The following KRT24 variants were observed in gnomAD, a reference collection of about 807,000 sequenced individuals.
KRT24 encodes keratin 24.
KRT24 carries 44 observed loss-of-function variants against 51.7 expected under a neutral mutation model. The observed-to-expected ratio is 0.85, with a 90% CI of 0.67 to 1.09. The LOEUF (loss-of-function observed/expected upper bound fraction) is 1.09, where lower values mean the gene tolerates loss of function less well. KRT24 is among the 50% of genes least tolerant of loss of function. The pLI is 0.00. For missense variants in KRT24, 633 were observed against 647.0 expected (o/e 0.98, Z 0.24); for synonymous variants, 241 against 249.5 (o/e 0.97, Z 0.32).
At position 40,703,683 on chromosome 17, in the gene KRT24, G is replaced by C. The variant is rs1446720777; in HGVS notation, c.11C>G (p.Ser4Trp). The change falls in exon 1 of 8, where the codon TCG (serine) becomes TGG (tryptophan). Residue 4 changes from serine (S) to tryptophan (W), a missense_variant. Coordinates refer to ENST00000264651, the MANE Select transcript of KRT24 (RefSeq NM_019016.3). ...AGCCCTGGAGGAGGAGGCGCGAGAC[G>C]AGCAAGACATGGTGCTCCTGCAAAC... is the stretch of plus-strand genomic sequence containing the variant. MSC[S>W]SRASSSRAGG... The C allele has an allele frequency of 4.5e-6, 7 of 1,566,022 alleles. No individual in the cohort carries two copies. Among genetic ancestry groups the C allele is most frequent in the African/African-American group, 1.4e-5 (1 of 73,532 alleles).
chr17:40,703,677 C>T lies in KRT24; in HGVS notation c.17G>A (p.Arg6His), dbSNP rs201642444. ...GCCTCCAGCCCTGGAGGAGGAGGCGCGAGACGAGCAAGACATGGTGCTCCT... is the reference window on the plus strand; with the variant it reads ...GCCTCCAGCCCTGGAGGAGGAGGCGTGAGACGAGCAAGACATGGTGCTCCT... Reference protein sequence around the residue: MSCSSRASSSRAGGSS... With the variant: MSCSSHASSSRAGGSS... Residue 6 changes from arginine (R) to histidine (H), a missense_variant, in exon 1 of 8, where the codon CGC (arginine) becomes CAC (histidine). Arg to His is a conservative substitution (Grantham distance 29). Transcript: ENST00000264651. 24 of 1,572,356 alleles carry T rather than the reference C, an allele frequency of 1.5e-5. No homozygotes were observed. Among genetic ancestry groups the T allele is most frequent in the South Asian group, 3.6e-5 (3 of 83,906 alleles).
Position 40,703,112 on chromosome 17 carries a change from T to C in KRT24, c.582A>G (p.Lys194=). 6.2e-7 allele frequency: 1 copy of C among 1,610,918 alleles called. No individual in the cohort carries two copies. Among genetic ancestry groups the C allele is most frequent in the Non-Finnish European group, 8.5e-7 (1 of 1,178,910 alleles). ...GDGGSGRDYS[K]YYSIIEDLRN... ...TGAGATCTTCAATTATTGAATAGTA[T>C]TTGCTATAATCTCTTCCCGATCCAC... Residue 194 remains lysine, a synonymous_variant, in exon 1 of 8, where the codon AAA becomes AAG. Transcript: ENST00000264651.
intron 2 of KRT24, 74 bp downstream of exon 2, chr17:40,701,777 A>ATATATT (rs1567863161): frequency 3.7e-4 from 13 of 35,302 alleles, no homozygotes; most frequent in Admixed American, 1.4e-3. Context: ...ATATATATAT[A>ATATATT]TATTTATTTA....
At chr17:40,700,540 G>T (rs1465844352) in intron 3 of KRT24, among the ~76,000 whole-genome samples, 157 bp from the exon 4 acceptor site, 1 of 151,078 alleles carries the variant, frequency 6.6e-6, no homozygotes, top group Admixed American at 6.6e-5. Context: ...TTGTTTCCTG[G>T]TCATAGTATG....
chr17:40,700,846 C>T (rs540162617), intron 3 of KRT24, among the ~76,000 whole-genome samples: 2 of 152,278 alleles, frequency 1.3e-5, no homozygotes, highest in East Asian at 3.9e-4. Flanking sequence ...CATGATCTGC[C>T]TGCCTTGGCC....
rs538653086 is a variant in KRT24, at chr17:40,703,740, T to C, written c.-47A>G. The C allele has an allele frequency of 2.2e-5, 33 of 1,505,482 alleles. No individual in the cohort carries two copies. The South Asian group carries it at 3.9e-4, about 18-fold the overall frequency. 93.3% of individuals were successfully genotyped at this position (1,505,482 alleles called of 1,614,324 possible). On this transcript the variant is annotated 5_prime_UTR_variant, in exon 1 of 8. Transcript: ENST00000264651. ...TTGTCCAGGCGAATAGGAGAGGTGA[T>C]GACGAAGAGTGTATTCAAGGCTGCC... is the stretch of plus-strand genomic sequence containing the variant.
rs779246628 is a variant in KRT24 at position 40,700,335 on chromosome 17, T to C, written c.904A>G (p.Met302Val). Reference protein sequence around the residue: ...GSSGGEVTVEMNAAPGTDLTK... With the variant: ...GSSGGEVTVEVNAAPGTDLTK... Reference sequence around the variant, plus strand: ...AGGTCGGTCCCTGGCGCAGCATTCATTTCTACGGTCACCTCCCCTCCAGAG... The same window carrying C: ...AGGTCGGTCCCTGGCGCAGCATTCACTTCTACGGTCACCTCCCCTCCAGAG... The change falls in exon 4 of 8, where the codon ATG (methionine) becomes GTG (valine). Residue 302 changes from methionine (M) to valine (V), a missense_variant. Transcript: ENST00000264651. 24 of 1,614,024 alleles carry C rather than the reference T, an allele frequency of 1.5e-5. No individual in the cohort carries two copies. Among genetic ancestry groups the C allele is most frequent in the Non-Finnish European group, 2.0e-5 (24 of 1,180,014 alleles).
At chr17:40,701,758 TA>T (rs1567863066) in intron 2 of KRT24, 92 bp downstream of exon 2, 964 of 41,804 alleles carry the variant, frequency 0.023, 38 homozygotes, top group African/African-American at 0.03. Context: ...TATATATATA[TA>T]TATATATATA....
Position 40,700,395 on chromosome 17 carries a change from G to A in KRT24, c.856-12C>T, listed in dbSNP as rs1567862365. Reference sequence around the variant, plus strand: ...ATATTCTTCATTTCCTAGCATGAAGGAAAAAAGACTATCGTGATGCAAACA... The same window carrying A: ...ATATTCTTCATTTCCTAGCATGAAGAAAAAAAGACTATCGTGATGCAAACA... On this transcript the variant is annotated splice_polypyrimidine_tract_variant and intron_variant, in intron 3 of 7. Coordinates refer to ENST00000264651, the MANE Select transcript of KRT24 (RefSeq NM_019016.3). 1.9e-6 allele frequency: 3 copies of A among 1,590,772 alleles called. No homozygotes were observed. The highest frequency in any genetic ancestry group is 2.7e-5 in the African/African-American group (2 of 73,300).
intron 2 of KRT24, 78 bp downstream of exon 2, chr17:40,701,750 TATATATATATATATATATATATA>T (rs2037681942): frequency 9.4e-5 from 4 of 42,650 alleles, no homozygotes; most frequent in African/African-American, 4.3e-4. Context: ...TATATATATA[TATATATATATATATATATATATA>T]TATATATTTA....
intron 6 of KRT24, 44 bp from the exon 7 acceptor site, chr17:40,698,694 G>C (rs748971280): frequency 5.2e-6 from 5 of 966,200 alleles, no homozygotes; most frequent in Non-Finnish European, 8.3e-6. Flanking sequence ...GTTTGCAAAG[G>C]CAGGAGAAAG....
At position 40,703,401 on chromosome 17, in the gene KRT24, C is replaced by A. The variant is rs776375538; in HGVS notation, c.293G>T (p.Gly98Val). ...ACAGAATCCAGAACCCCTGCCAAAT[C>A]CAGAGACCCCGCCAAAGCTAGAACC... Reference protein sequence around the residue: ...GGGSSFGGVSGFGRGSGFCGS... With the variant: ...GGGSSFGGVSVFGRGSGFCGS... Residue 98 changes from glycine (G) to valine (V), a missense_variant, in exon 1 of 8, where the codon GGA becomes GTA. Coordinates refer to ENST00000264651, the MANE Select transcript of KRT24 (RefSeq NM_019016.3). 5 of 1,610,984 alleles carry A rather than the reference C, an allele frequency of 3.1e-6. No individual in the cohort carries two copies. In the African/African-American group the frequency reaches 4.0e-5, roughly 13 times the overall value.
At chr17:40,701,768 TA>T (rs1567863109) in intron 2 of KRT24, 82 bp downstream of exon 2, 1,243 of 47,274 alleles carry the variant, frequency 0.026, 98 homozygotes, top group Admixed American at 0.058. Flanking sequence ...TATATATATA[TA>T]TATATATATA....
chr17:40,700,427 T>A (rs60488918), intron 3 of KRT24, 44 bp from the exon 4 acceptor site: 4 of 1,492,090 alleles, frequency 2.7e-6, no homozygotes, highest in Non-Finnish European at 3.7e-6. Context: ...AACAGAAAAG[T>A]GATGACTTCC....
At chr17:40,699,866 G>T in intron 5 of KRT24, 132 bp downstream of exon 5, 2 of 1,247,314 alleles carry the variant, frequency 1.6e-6, no homozygotes, top group Non-Finnish European at 2.3e-6. Context: ...AACTTTTAAT[G>T]CTTTCTATAA....
Position 40,698,142 on chromosome 17 carries a change from A to AT in KRT24, c.*94dup. On this transcript the variant is annotated 3_prime_UTR_variant, in exon 8 of 8. Coordinates refer to ENST00000264651, the MANE Select transcript of KRT24 (RefSeq NM_019016.3). Reference sequence around the variant, plus strand: ...CTGGACTGAAGCTTTTCCTGAAATTATCCAGAAAGATGCCTAGATTGATGC... The same window carrying AT: ...CTGGACTGAAGCTTTTCCTGAAATTATTCCAGAAAGATGCCTAGATTGATGC... 2.6e-6 allele frequency: 2 copies of AT among 781,062 alleles called. No individual in the cohort carries two copies. Among genetic ancestry groups the AT allele is most frequent in the Non-Finnish European group, 4.3e-6 (2 of 467,898 alleles). 48.4% of individuals were successfully genotyped at this position (781,062 alleles called of 1,614,324 possible). A position where few individuals can be genotyped will look rare whatever the true frequency, so the allele number is the denominator to read the frequency against.
At position 40,699,471 on chromosome 17, in the gene KRT24, T is replaced by A. The variant is rs1398748824; in HGVS notation, c.1334A>T (p.Tyr445Phe). The A allele has an allele frequency of 1.2e-6, 2 of 1,613,962 alleles. No individual in the cohort carries two copies. Among genetic ancestry groups the A allele is most frequent in the African/African-American group, 2.7e-5 (2 of 74,874 alleles). The change falls in exon 6 of 8, where the codon TAC becomes TTC. Residue 445 changes from tyrosine (Y) to phenylalanine (F), a missense_variant. Coordinates refer to ENST00000264651, the MANE Select transcript of KRT24 (RefSeq NM_019016.3). ...TCCCTCTCCATCGAGCAGGCGGCGGTAGGTCTCGATCTCCACCTCCAGGCG... is the reference window on the plus strand; with the variant it reads ...TCCCTCTCCATCGAGCAGGCGGCGGAAGGTCTCGATCTCCACCTCCAGGCG... ...KTRLEVEIET[Y>F]RRLLDGEGGG...
rs1372924241 is a variant in KRT24, at chr17:40,699,604, A to C, written c.1201T>G (p.Ser401Ala). Residue 401 changes from serine to alanine, a missense_variant, in exon 6 of 8, where the codon TCA (serine) becomes GCA (alanine). Coordinates refer to ENST00000264651, the MANE Select transcript of KRT24 (RefSeq NM_019016.3). The stretch of plus-strand genomic sequence containing the variant: ...GCACTGATCTGCGTTTGAATTTCTG[A>C]CAGCTGAGCCACGTAGCCAGCTTCT... ...DTEAGYVAQL[S>A]EIQTQISALE... is the part of the protein sequence containing the mutation. The C allele has an allele frequency of 3.7e-6, 6 of 1,614,186 alleles. No individual in the cohort carries two copies. The Admixed American group carries it at 1.0e-4, about 27-fold the overall frequency.
Position 40,703,157 on chromosome 17 carries a change from A to G in KRT24, c.537T>C (p.Tyr179=), listed in dbSNP as rs1284723807. Residue 179 remains tyrosine (Y), a synonymous_variant, in exon 1 of 8, where the codon TAT becomes TAC. Coordinates refer to ENST00000264651, the MANE Select transcript of KRT24 (RefSeq NM_019016.3). ...ATCCACCGTCTCCAGACCCAGGCCC[A>G]TATTTGTCATACCACTCCTTGATTT... ...ENKIKEWYDK[Y]GPGSGDGGSG... 2.5e-6 allele frequency: 4 copies of G among 1,614,090 alleles called. No homozygotes were observed. The highest frequency in any genetic ancestry group is 4.5e-5 in the East Asian group (2 of 44,878).
Sources: allele counts gnomAD v4.1 joint callset (sites outside exome capture counted in the v4.1 genomes callset), GRCh38; gene constraint gnomAD v4.1.1; transcripts MANE v1.5; gene names NCBI Gene and HGNC (gene_info 2026-07-23, HGNC 2026-07-21).